IGSF10: variants seen among roughly 807,000 people sequenced by gnomAD.
IGSF10 encodes calvaria mechanical force protein 608.
A neutral mutation model predicts 128.2 loss-of-function variants in IGSF10; 126 were observed. The ratio of observed to expected loss-of-function variants is 0.98; its 90% CI spans 0.85 to 1.14. The LOEUF (loss-of-function observed/expected upper bound fraction) is 1.14, where lower values mean the gene tolerates loss of function less well. IGSF10 is among the 50% of genes most tolerant of loss of function. The pLI, the probability that IGSF10 is intolerant of heterozygous loss-of-function variation, is 0.00. For missense variants in IGSF10, 3,295 were observed against 3,149.8 expected, an observed-to-expected ratio of 1.05 and a Z score of -1.10; for synonymous variants, 1,185 against 1,146.2, an observed-to-expected ratio of 1.03 and a Z score of -0.68.
the IGSF10 span, among the ~76,000 whole-genome samples, chr3:151,516,646 A>G: frequency 6.6e-6 from 1 of 151,770 alleles, no homozygotes; most frequent in Non-Finnish European, 1.5e-5. Context: ...CTAGAAGGGC[A>G]TCATTTGTTA....
the IGSF10 span, among the ~76,000 whole-genome samples, chr3:151,517,635 T>A: frequency 6.6e-6 from 1 of 151,926 alleles, no homozygotes; most frequent in Non-Finnish European, 1.5e-5. Context: ...ACTAAGGCCC[T>A]ATGTTTTGGT....
At chr3:151,530,322 C>A in the IGSF10 span, among the ~76,000 whole-genome samples, 6 of 152,082 alleles carry the variant, frequency 3.9e-5, no homozygotes, top group Admixed American at 3.9e-4. Flanking sequence ...CTTCCCCAAC[C>A]TAGCAAGGTA....
At chr3:151,440,571 T>C in intron 7 of IGSF10, 1 of 456,780 alleles carries the variant, frequency 2.2e-6, no homozygotes, top group South Asian at 1.5e-5. Flanking sequence ...ATTTAGCAAC[T>C]TGCCTTAGGT....
rs751857689 is a variant in IGSF10, at chr3:151,437,630, A to G, written c.6931T>C (p.Phe2311Leu). 1.9e-6 allele frequency: 3 copies of G among 1,614,216 alleles called. No individual in the cohort carries two copies. In the South Asian group the frequency reaches 3.3e-5, roughly 18 times the overall value. The change falls in exon 8 of 8, where the codon TTT becomes CTT. Residue 2311 changes from phenylalanine to leucine, a missense_variant. Physicochemically the swap from Phe to Leu is conservative, Grantham distance 22. Transcript: ENST00000282466. ...RNVRLSDSAD[F>L]ICVARNEGGE... Reference sequence around the variant, plus strand: ...CCTTCATTTCGGGCCACACAGATAAAGTCGGCTGAATCTGAAAGCCTCACA... The same window carrying G: ...CCTTCATTTCGGGCCACACAGATAAGGTCGGCTGAATCTGAAAGCCTCACA...
Position 151,446,046 on chromosome 3 carries a change from A to T in IGSF10, c.3935T>A (p.Ile1312Lys), listed in dbSNP as rs1721168102. The T allele has an allele frequency of 6.2e-7, 1 of 1,614,124 alleles. No individual in the cohort carries two copies. Among genetic ancestry groups the T allele is most frequent in the Non-Finnish European group, 8.5e-7 (1 of 1,180,000 alleles). The change falls in exon 6 of 8, where the codon ATA (isoleucine) becomes AAA (lysine). Residue 1312 changes from isoleucine (I) to lysine (K), a missense_variant. Coordinates refer to ENST00000282466, the MANE Select transcript of IGSF10 (RefSeq NM_178822.5). ...TGCTGGTATTGCTGTTTGCGTTGAT[A>T]TGATGCTTTTTGTACTTGAGTCTTT... is the stretch of plus-strand genomic sequence containing the variant. ...ISKDSSTKSIISTQTAIPATT... is the reference protein window; with the variant it reads ...ISKDSSTKSIKSTQTAIPATT...
At chr3:151,545,372 GA>G in the IGSF10 span, among the ~76,000 whole-genome samples, 6 of 152,212 alleles carry the variant, frequency 3.9e-5, no homozygotes, top group African/African-American at 7.2e-5. Context: ...GAGATACTAA[GA>G]GATTTTTCTC....
the IGSF10 span, among the ~76,000 whole-genome samples, chr3:151,609,313 A>C: frequency 6.6e-6 from 1 of 152,228 alleles, no homozygotes; most frequent in African/African-American, 2.4e-5. Context: ...AAAGTAGCTT[A>C]TGCTAGAGTT....
the IGSF10 span, among the ~76,000 whole-genome samples, chr3:151,583,180 CTT>C: frequency 1.3e-5 from 2 of 151,562 alleles, no homozygotes; most frequent in African/African-American, 4.8e-5. Context: ...TATTTATTCT[CTT>C]TATTATTTGT....
the IGSF10 span, among the ~76,000 whole-genome samples, chr3:151,480,248 G>A: frequency 6.6e-6 from 1 of 152,048 alleles, no homozygotes; most frequent in South Asian, 2.1e-4. Context: ...GCAGAGCACA[G>A]AAATCCAGGA....
chr3:151,542,840 C>T, the IGSF10 span, among the ~76,000 whole-genome samples: 2 of 152,162 alleles, frequency 1.3e-5, no homozygotes, highest in Non-Finnish European at 2.9e-5. Flanking sequence ...GTTAAAATCA[C>T]ATGTTTTTAT....
chr3:151,602,635 A>C, the IGSF10 span, among the ~76,000 whole-genome samples: 6 of 151,756 alleles, frequency 4.0e-5, no homozygotes, highest in Non-Finnish European at 8.8e-5. Flanking sequence ...GTCCCTCATC[A>C]TCGGCTGATC....
the IGSF10 span, among the ~76,000 whole-genome samples, chr3:151,488,210 T>C: frequency 4.6e-5 from 7 of 152,066 alleles, no homozygotes; most frequent in Non-Finnish European, 1.0e-4. Flanking sequence ...ATGAGTGAAC[T>C]CCCATTCACA....
At position 151,448,479 on chromosome 3, in the gene IGSF10, C is replaced by G. The variant is rs532628106; in HGVS notation, c.1502G>C (p.Gly501Ala). ...GTVGLNCPGQ[G>A]DPTPHVDWLL... is the part of the protein sequence containing the mutation. ...CCAATCCACGTGTGGGGTGGGGTCT[C>G]CTTGGCCTGGGCAGTTCAGGCCAAC... Residue 501 changes from glycine (G) to alanine (A), a missense_variant, in exon 6 of 8, where the codon GGA becomes GCA. Gly to Ala is a moderately conservative substitution (Grantham distance 60). Transcript: ENST00000282466. The G allele has an allele frequency of 1.2e-6, 2 of 1,614,226 alleles. No homozygotes were observed. The highest frequency in any genetic ancestry group is 1.7e-6 in the Non-Finnish European group (2 of 1,180,036).
the IGSF10 span, among the ~76,000 whole-genome samples, chr3:151,555,742 C>T: frequency 6.6e-6 from 1 of 152,208 alleles, no homozygotes; most frequent in Non-Finnish European, 1.5e-5. Flanking sequence ...AAGCCCCTGC[C>T]TCTGTAACAA....
At chr3:151,518,025 T>G in the IGSF10 span, among the ~76,000 whole-genome samples, 1 of 152,066 alleles carries the variant, frequency 6.6e-6, no homozygotes. Flanking sequence ...TTTCAATGAC[T>G]AATCACTCTC....
At chr3:151,599,303 A>G in the IGSF10 span, among the ~76,000 whole-genome samples, 23 of 152,236 alleles carry the variant, frequency 1.5e-4, no homozygotes, top group African/African-American at 5.5e-4. Context: ...GAGGCTGAGG[A>G]TAGGCCAGCA....
chr3:151,592,930 T>C, the IGSF10 span, among the ~76,000 whole-genome samples: 1 of 152,130 alleles, frequency 6.6e-6, no homozygotes, highest in Non-Finnish European at 1.5e-5. Flanking sequence ...GTGAAAAGAA[T>C]TACAAAGAAA....
chr3:151,561,700 A>G, the IGSF10 span, among the ~76,000 whole-genome samples: 3 of 152,134 alleles, frequency 2.0e-5, no homozygotes, highest in African/African-American at 7.2e-5. Flanking sequence ...TAATATATAC[A>G]TCTGTTACCA....
At chr3:151,493,204 C>T in the IGSF10 span, among the ~76,000 whole-genome samples, 2 of 152,102 alleles carry the variant, frequency 1.3e-5, no homozygotes, top group Admixed American at 6.6e-5. Context: ...GTAGAATGAA[C>T]AAGTGATCTA....
Sources: allele counts gnomAD v4.1 joint callset (sites outside exome capture counted in the v4.1 genomes callset), GRCh38; gene constraint gnomAD v4.1.1; transcripts MANE v1.5; gene names NCBI Gene and HGNC (gene_info 2026-07-23, HGNC 2026-07-21).